Variants in TECRL observed in about 807,000 individuals in gnomAD.
TECRL encodes trans-2,3-enoyl-CoA reductase like, also known as trans-2,3-enoyl-CoA reductase-like.
In TECRL, 63 loss-of-function variants were observed where a neutral mutation model predicts 52.8. That is an observed-to-expected ratio of 1.19 (90% CI 0.97 to 1.47). The LOEUF is 1.47. TECRL is among the 40% of genes most tolerant of loss of function. The pLI, the probability that TECRL is intolerant of heterozygous loss-of-function variation, is 0.00. For missense variants in TECRL, 482 were observed against 429.6 expected (o/e 1.12, Z -1.08); for synonymous variants, 164 against 141.9 (o/e 1.16, Z -1.10).
intron 9 of TECRL, among the ~76,000 whole-genome samples, chr4:64,288,029 C>T (rs1201354142): frequency 6.6e-6 from 1 of 151,982 alleles, no homozygotes; most frequent in Non-Finnish European, 1.5e-5. Flanking sequence ...ACCTGTAATC[C>T]CAGCTACTCA....
At chr4:64,344,854 T>C (rs1719838735) in intron 2 of TECRL, among the ~76,000 whole-genome samples, 1 of 152,194 alleles carries the variant, frequency 6.6e-6, no homozygotes, top group Non-Finnish European at 1.5e-5. Context: ...ATTTATTATT[T>C]CACACACCAG....
intron 9 of TECRL, among the ~76,000 whole-genome samples, chr4:64,285,907 A>G (rs1723056109): frequency 2.0e-5 from 3 of 152,098 alleles, no homozygotes; most frequent in Non-Finnish European, 4.4e-5. Context: ...AATTTGGAAA[A>G]CAAGGATGTT....
intron 2 of TECRL, among the ~76,000 whole-genome samples, chr4:64,339,082 A>G (rs1038897701): frequency 4.6e-5 from 7 of 151,938 alleles, no homozygotes; most frequent in Non-Finnish European, 8.8e-5. Flanking sequence ...GCACATATAC[A>G]CCATGGAATA....
At position 64,328,571 on chromosome 4, in the gene TECRL, A is replaced by T. The variant is rs748734259; in HGVS notation, c.287-15T>A. The T allele has an allele frequency of 6.2e-7, 1 of 1,606,906 alleles. No individual in the cohort carries two copies. The highest frequency in any genetic ancestry group is 8.5e-7 in the Non-Finnish European group (1 of 1,175,422). ...CCACTTTGGACCTATTCAATGAAAA[A>T]TAACATTTAATTGTCAGAAAAAGTG... is the stretch of plus-strand genomic sequence containing the variant. On this transcript the variant is annotated splice_polypyrimidine_tract_variant and intron_variant, in intron 2 of 11. Coordinates refer to ENST00000381210, the MANE Select transcript of TECRL (RefSeq NM_001010874.5).
intron 9 of TECRL, among the ~76,000 whole-genome samples, chr4:64,284,219 A>G (rs1295466765): frequency 6.6e-6 from 1 of 152,088 alleles, no homozygotes; most frequent in African/African-American, 2.4e-5. Flanking sequence ...TGCACCTGGA[A>G]GCATGAACAA....
chr4:64,304,155 T>C (rs1412718507), intron 7 of TECRL, among the ~76,000 whole-genome samples: 7 of 151,952 alleles, frequency 4.6e-5, no homozygotes, highest in Non-Finnish European at 8.8e-5. Flanking sequence ...TTCAGAAGTG[T>C]ATCTTATTAA....
intron 1 of TECRL, among the ~76,000 whole-genome samples, chr4:64,391,058 C>T (rs150052250): frequency 3.3e-5 from 5 of 151,880 alleles, no homozygotes; most frequent in African/African-American, 1.2e-4. Context: ...GATTGCATTA[C>T]TTTTTAAATT....
At chr4:64,382,051 T>C (rs1156959405) in intron 1 of TECRL, among the ~76,000 whole-genome samples, 1 of 151,744 alleles carries the variant, frequency 6.6e-6, no homozygotes, top group East Asian at 1.9e-4. Context: ...TTCACCAGTA[T>C]AGCAACTCAG....
At chr4:64,323,275 T>C (rs1459613504) in intron 3 of TECRL, among the ~76,000 whole-genome samples, 1 of 151,828 alleles carries the variant, frequency 6.6e-6, no homozygotes, top group African/African-American at 2.4e-5. Context: ...TGTGTGCCTG[T>C]AGTCCCAGCA....
chr4:64,382,912 A>G (rs1327191397), intron 1 of TECRL, among the ~76,000 whole-genome samples: 1 of 151,918 alleles, frequency 6.6e-6, no homozygotes, highest in Non-Finnish European at 1.5e-5. Flanking sequence ...TCATGGTGGT[A>G]GATATTATCC....
At chr4:64,347,637 C>T (rs1269858729) in intron 2 of TECRL, among the ~76,000 whole-genome samples, 2 of 152,100 alleles carry the variant, frequency 1.3e-5, no homozygotes, top group East Asian at 1.9e-4. Context: ...AAATAAAGCA[C>T]ACGGGAAATT....
intron 2 of TECRL, among the ~76,000 whole-genome samples, chr4:64,374,243 GCA>G (rs1377810849): frequency 6.7e-6 from 1 of 150,314 alleles, no homozygotes; most frequent in Non-Finnish European, 1.5e-5. Context: ...ATTCCTTCCT[GCA>G]TAGGCTTTCC....
At chr4:64,351,483 A>G (rs1720384989) in intron 2 of TECRL, among the ~76,000 whole-genome samples, 1 of 152,102 alleles carries the variant, frequency 6.6e-6, no homozygotes, top group African/African-American at 2.4e-5. Flanking sequence ...TATATTGCCA[A>G]GGCTGGTCTC....
chr4:64,314,193 A>T (rs1206497226), intron 5 of TECRL, among the ~76,000 whole-genome samples: 1 of 151,800 alleles, frequency 6.6e-6, no homozygotes, highest in Non-Finnish European at 1.5e-5. Flanking sequence ...ATAAAAATAA[A>T]TAAAAAGTAA....
intron 2 of TECRL, among the ~76,000 whole-genome samples, chr4:64,334,277 G>C (rs972237659): frequency 6.6e-6 from 1 of 151,740 alleles, no homozygotes; most frequent in Non-Finnish European, 1.5e-5. Flanking sequence ...AAATTAGCTG[G>C]GTTTATTTTG....
intron 1 of TECRL, among the ~76,000 whole-genome samples, chr4:64,401,933 C>T (rs1578000501): frequency 6.6e-6 from 1 of 152,104 alleles, no homozygotes; most frequent in East Asian, 1.9e-4. Context: ...ACCTCATCTT[C>T]TCAGATTTAC....
At chr4:64,401,541 G>A (rs1438082950) in intron 1 of TECRL, among the ~76,000 whole-genome samples, 1 of 152,028 alleles carries the variant, frequency 6.6e-6, no homozygotes, top group African/African-American at 2.4e-5. Flanking sequence ...AGACTTCTCA[G>A]TATAATTTGT....
intron 2 of TECRL, among the ~76,000 whole-genome samples, chr4:64,344,179 A>G (rs1016009323): frequency 2.6e-5 from 4 of 151,908 alleles, no homozygotes; most frequent in Non-Finnish European, 2.9e-5. Context: ...ACTCACACAT[A>G]TACATATATT....
rs1171171393 is a variant in TECRL, at chr4:64,322,715, G to GGTCTGTAGCATACA, written c.395_408dup (p.Leu137CysfsTer6). 2.5e-6 allele frequency: 4 copies of GGTCTGTAGCATACA among 1,610,350 alleles called. No individual in the cohort carries two copies. The highest frequency in any genetic ancestry group is 1.3e-5 in the African/African-American group (1 of 74,770). ...GTGGTCCAACTGACTTGTTGACCTA[G>GGTCTGTAGCATACA]GTCTGTAGCATACAGTGTGACAATG... On this transcript the variant is annotated frameshift_variant, in exon 4 of 12. Transcript: ENST00000381210. LOFTEE classifies it high-confidence loss of function.
Sources: gnomAD v4.1 joint callset for allele counts (sites outside exome capture counted in the v4.1 genomes callset) on GRCh38, gnomAD v4.1.1 for gene constraint, MANE v1.5 for transcripts, NCBI Gene and HGNC (gene_info 2026-07-23, HGNC 2026-07-21) for gene names.